The following FAM53B variants were observed in gnomAD, a reference collection of about 807,000 sequenced individuals.
FAM53B encodes the protein protein FAM53B.
A neutral mutation model predicts 32.7 loss-of-function variants in FAM53B; 12 were observed. That is an observed-to-expected ratio of 0.37 (90% CI 0.24 to 0.59). FAM53B has a LOEUF of 0.59. FAM53B is among the 20% of genes least tolerant of loss of function. The pLI, the probability that FAM53B is intolerant of heterozygous loss-of-function variation, is 0.72. For synonymous variants in FAM53B, 234 were observed against 228.7 expected (o/e 1.02, Z -0.21); for missense variants, 477 against 577.7 (o/e 0.83, Z 1.79).
intron 4 of FAM53B, among the ~76,000 whole-genome samples, chr10:124,652,699 G>A (rs993779129): frequency 6.6e-5 from 10 of 152,200 alleles, no homozygotes; most frequent in Non-Finnish European, 1.3e-4. Flanking sequence ...GAAGCCTTGT[G>A]GTGGAGGGCC....
At chr10:124,648,760 A>G (rs1017525470) in intron 4 of FAM53B, among the ~76,000 whole-genome samples, 4 of 152,258 alleles carry the variant, frequency 2.6e-5, no homozygotes, top group African/African-American at 9.6e-5. Context: ...ACTCAGAGCT[A>G]GTCCACCTGT....
At chr10:124,724,556 G>A (rs886985733) in intron 1 of FAM53B, among the ~76,000 whole-genome samples, 4 of 152,202 alleles carry the variant, frequency 2.6e-5, no homozygotes, top group African/African-American at 9.7e-5. Context: ...ATGGGGGCGG[G>A]GTAGGGGGGC....
chr10:124,737,853 G>A (rs1172314981), intron 1 of FAM53B, among the ~76,000 whole-genome samples: 3 of 152,102 alleles, frequency 2.0e-5, no homozygotes, highest in African/African-American at 4.8e-5. Context: ...TGAGCCCCAG[G>A]GGCACACGGT....
At chr10:124,695,768 T>G (rs1949864871) in intron 3 of FAM53B, among the ~76,000 whole-genome samples, 1 of 152,216 alleles carries the variant, frequency 6.6e-6, no homozygotes, top group Non-Finnish European at 1.5e-5. Context: ...TAATTATATG[T>G]TCATCGTGGA....
At chr10:124,732,437 C>T (rs919316219) in intron 1 of FAM53B, among the ~76,000 whole-genome samples, 10 of 152,234 alleles carry the variant, frequency 6.6e-5, no homozygotes, top group Non-Finnish European at 1.5e-4. Flanking sequence ...GGTGAGCAGA[C>T]GGACACCACC....
Position 124,641,602 on chromosome 10 carries a change from G to A in FAM53B, c.907-17998C>T, listed in dbSNP as rs537201986. On this transcript the variant is annotated intron_variant, in intron 4 of 4. Coordinates refer to ENST00000337318, the MANE Select transcript of FAM53B (RefSeq NM_014661.4). Reference sequence around the variant, plus strand: ...CTAGAAAACAGGAGCCGAGAGTCACGGGGAACTCAGAGATAAGATTCTAAA... The same window carrying A: ...CTAGAAAACAGGAGCCGAGAGTCACAGGGAACTCAGAGATAAGATTCTAAA... Among the ~76,000 whole-genome samples, 113 of 152,314 alleles carry A rather than the reference G, an allele frequency of 7.4e-4. 1 individual carries two copies. Among genetic ancestry groups the A allele is most frequent in the Admixed American group, 2.2e-3 (34 of 15,300 alleles).
At chr10:124,667,326 A>G in intron 4 of FAM53B, 1 of 702,726 alleles carries the variant, frequency 1.4e-6, no homozygotes, top group Non-Finnish European at 2.6e-6. Context: ...TAAATTATAT[A>G]TGTGGCTTGA....
At chr10:124,634,426 G>A (rs1335678978) in intron 4 of FAM53B, among the ~76,000 whole-genome samples, 1 of 152,174 alleles carries the variant, frequency 6.6e-6, no homozygotes, top group Non-Finnish European at 1.5e-5. Flanking sequence ...TAATCCCCAC[G>A]TTTCGTGGGA....
chr10:124,676,280 A>G (rs1172878815), intron 4 of FAM53B, among the ~76,000 whole-genome samples: 1 of 152,114 alleles, frequency 6.6e-6, no homozygotes, highest in Non-Finnish European at 1.5e-5. Context: ...CACTGTCTGC[A>G]GTCTGTGTTA....
Position 124,678,291 on chromosome 10 carries a change from G to A in FAM53B, c.906+3316C>T, listed in dbSNP as rs751513. ...CCGGCCTGTGCCAGCCAATGCACTG[G>A]GGGGAGTGTGTGTACATACAGATAC... On this transcript the variant is annotated intron_variant, in intron 4 of 4. Coordinates refer to ENST00000337318, the MANE Select transcript of FAM53B (RefSeq NM_014661.4). Among the ~76,000 whole-genome samples, 658 of 152,292 alleles carry A rather than the reference G, an allele frequency of 4.3e-3. 2 individuals carry two copies. The highest frequency in any genetic ancestry group is 0.015 in the African/African-American group (624 of 41,546).
intron 2 of FAM53B, chr10:124,703,636 C>G (rs1014344499): frequency 6.5e-6 from 1 of 152,686 alleles, no homozygotes; most frequent in Non-Finnish European, 1.5e-5. Flanking sequence ...CTCCCCACAA[C>G]AGACCTCTCA....
chr10:124,645,381 C>T (rs1949505899), intron 4 of FAM53B, among the ~76,000 whole-genome samples: 1 of 152,246 alleles, frequency 6.6e-6, no homozygotes, highest in Non-Finnish European at 1.5e-5. Flanking sequence ...CCCTCAGGCC[C>T]TGCTGAGAGA....
chr10:124,697,361 G>A (rs1020524502), intron 2 of FAM53B, among the ~76,000 whole-genome samples: 1 of 152,164 alleles, frequency 6.6e-6, no homozygotes, highest in African/African-American at 2.4e-5. Flanking sequence ...AGGCTGGTAA[G>A]TGGACAAGGG....
At chr10:124,709,807 G>A (rs1193832610) in intron 1 of FAM53B, among the ~76,000 whole-genome samples, 1 of 150,954 alleles carries the variant, frequency 6.6e-6, no homozygotes, top group Non-Finnish European at 1.5e-5. Flanking sequence ...GAGTCCACTA[G>A]CCTGAGTGAC....
intron 4 of FAM53B, among the ~76,000 whole-genome samples, chr10:124,663,830 G>A (rs1017090131): frequency 6.6e-6 from 1 of 151,982 alleles, no homozygotes; most frequent in African/African-American, 2.4e-5. Context: ...TCTACCCTCG[G>A]GCATCTCCAG....
At chr10:124,711,505 CTGTAACTGCATGAG>C (rs1950003316) in intron 1 of FAM53B, among the ~76,000 whole-genome samples, 2 of 151,958 alleles carry the variant, frequency 1.3e-5, no homozygotes, top group African/African-American at 2.4e-5. Flanking sequence ...GTATTATTTC[CTGTAACTGCATGAG>C]TGTAAATGAT....
intron 4 of FAM53B, among the ~76,000 whole-genome samples, chr10:124,660,712 G>C (rs748625386): frequency 2.6e-5 from 4 of 152,204 alleles, no homozygotes; most frequent in Non-Finnish European, 5.9e-5. Context: ...TCCAAATGGG[G>C]AAATCGAGAC....
intron 4 of FAM53B, among the ~76,000 whole-genome samples, chr10:124,649,508 C>A (rs1024105690): frequency 6.6e-6 from 1 of 152,232 alleles, no homozygotes; most frequent in African/African-American, 2.4e-5. Flanking sequence ...TTTCTCCCAA[C>A]ATGTCTGCCC....
intron 4 of FAM53B, among the ~76,000 whole-genome samples, chr10:124,676,376 G>A (rs977844915): frequency 2.0e-5 from 3 of 152,134 alleles, no homozygotes; most frequent in Admixed American, 1.3e-4. Context: ...GGTGCAGGGC[G>A]GTGGGAACCC....
Sources: gnomAD v4.1 joint callset for allele counts (sites outside exome capture counted in the v4.1 genomes callset) on GRCh38, gnomAD v4.1.1 for gene constraint, MANE v1.5 for transcripts, NCBI Gene and HGNC (gene_info 2026-07-23, HGNC 2026-07-21) for gene names.